SYT1: variants seen among roughly 807,000 people sequenced by gnomAD.
SYT1 encodes the protein synaptotagmin-1.
In SYT1, 8 loss-of-function variants were observed where a neutral mutation model predicts 44.8. That is an observed-to-expected ratio of 0.18 (90% CI 0.10 to 0.32). SYT1 has a LOEUF of 0.32. SYT1 is among the 10% of genes least tolerant of loss of function. The pLI is 1.00. For missense variants in SYT1, 286 were observed against 509.3 expected (o/e 0.56, Z 4.22); for synonymous variants, 154 against 188.8 (o/e 0.82, Z 1.51).
chr12:79,418,506 G>T (rs1868897296), intron 9 of SYT1, among the ~76,000 whole-genome samples: 1 of 152,150 alleles, frequency 6.6e-6, no homozygotes, highest in South Asian at 2.1e-4. Flanking sequence ...CTGTTAGACA[G>T]TAAACCAATT....
intron 2 of SYT1, among the ~76,000 whole-genome samples, chr12:79,001,121 CAGG>C (rs1397726243): frequency 1.3e-5 from 2 of 152,016 alleles, no homozygotes; most frequent in Non-Finnish European, 2.9e-5. Context: ...TAAGGGGCTC[CAGG>C]AGATTTCTAG....
intron 2 of SYT1, among the ~76,000 whole-genome samples, chr12:78,986,934 C>G (rs1157199833): frequency 6.6e-6 from 1 of 151,880 alleles, no homozygotes; most frequent in African/African-American, 2.4e-5. Flanking sequence ...AAGATAGTTA[C>G]GATGCAGAAC....
chr12:79,130,024 C>G (rs1433860195), intron 3 of SYT1, among the ~76,000 whole-genome samples: 1 of 152,104 alleles, frequency 6.6e-6, no homozygotes, highest in Admixed American at 6.5e-5. Flanking sequence ...AGATCTTTAT[C>G]AGAAACCTTT....
At chr12:79,041,173 A>C (rs1336679395) in intron 2 of SYT1, among the ~76,000 whole-genome samples, 2 of 151,104 alleles carry the variant, frequency 1.3e-5, no homozygotes, top group Non-Finnish European at 3.0e-5. Flanking sequence ...AGTCATTGGT[A>C]GCTTGATGGG....
At chr12:79,263,269 GA>G (rs1877934581) in intron 4 of SYT1, among the ~76,000 whole-genome samples, 2 of 126,716 alleles carry the variant, frequency 1.6e-5, no homozygotes, top group South Asian at 6.0e-4. Flanking sequence ...TTCTTCTGGT[GA>G]TTTTTTTTTT....
chr12:79,323,192 A>G (rs1419300790), intron 8 of SYT1, among the ~76,000 whole-genome samples: 2 of 151,808 alleles, frequency 1.3e-5, no homozygotes, highest in Non-Finnish European at 2.9e-5. Flanking sequence ...TACTCTCTAC[A>G]ATTACTTTGA....
chr12:78,963,352 A>G lies in SYT1; in HGVS notation c.-216-14447A>G, dbSNP rs867156776. 5.3e-5 allele frequency among the ~76,000 whole-genome samples: 8 copies of G among 152,292 alleles called. 1 individual carries two copies. Among genetic ancestry groups the G allele is most frequent in the African/African-American group, 1.7e-4 (7 of 41,572 alleles). On this transcript the variant is annotated intron_variant, in intron 1 of 10. Transcript: ENST00000261205. ...ACATTTAGCTAAAAAGTTTCTGCAC[A>G]GTAAAGGAAACGATGGCGTGAAAAG...
chr12:78,972,359 T>C (rs1300440131), intron 1 of SYT1, among the ~76,000 whole-genome samples: 2 of 152,058 alleles, frequency 1.3e-5, no homozygotes, highest in South Asian at 2.1e-4. Context: ...ATATTTTCTT[T>C]GCCAAGGTTC....
In SYT1 at chr12:79,068,072, T is replaced by C. The variant is rs1041581439; in HGVS notation, c.-18+20710T>C. On this transcript the variant is annotated intron_variant, in intron 3 of 10. Coordinates refer to ENST00000261205, the MANE Select transcript of SYT1 (RefSeq NM_005639.3). The stretch of plus-strand genomic sequence containing the variant: ...TGCTTTGGATTACAATCTTATCAAT[T>C]TGGGTTGAAGTTGCAAAAAATTCAG... 3.9e-5 allele frequency among the ~76,000 whole-genome samples: 6 copies of C among 152,296 alleles called. No homozygotes were observed. The East Asian group carries it at 1.2e-3, about 29-fold the overall frequency.
At position 79,165,063 on chromosome 12, in the gene SYT1, T is replaced by G. The variant is rs538552200; in HGVS notation, c.-17-52440T>G. The stretch of plus-strand genomic sequence containing the variant: ...AGGAAAGCAATAATAGGGTTGTTGG[T>G]TTTTTTTCATTATCTTCAAAATTTT... On this transcript the variant is annotated intron_variant, in intron 3 of 10. Transcript: ENST00000261205. 2.5e-4 allele frequency among the ~76,000 whole-genome samples: 38 copies of G among 151,876 alleles called. 1 individual carries two copies. The South Asian group carries it at 6.7e-3, about 27-fold the overall frequency.
At chr12:79,247,053 A>G (rs566996736) in intron 4 of SYT1, among the ~76,000 whole-genome samples, 29 of 152,324 alleles carry the variant, frequency 1.9e-4, no homozygotes, top group African/African-American at 7.0e-4. Context: ...CAAAGGATAA[A>G]GGTTTTTTTA....
intron 3 of SYT1, among the ~76,000 whole-genome samples, chr12:79,191,095 A>C (rs1873092177): frequency 1.3e-5 from 1 of 75,586 alleles, no homozygotes; most frequent in South Asian, 3.0e-4. Context: ...AAAAACATAA[A>C]TATAAATATA....
chr12:78,869,107 A>C (rs117876697), intron 1 of SYT1, among the ~76,000 whole-genome samples: 2,211 of 152,030 alleles, frequency 0.015, 45 homozygotes, highest in East Asian at 0.081. Flanking sequence ...TGTTTTCATT[A>C]AATTCCTCAA....
At chr12:79,388,812 C>T (rs1406323531) in intron 9 of SYT1, among the ~76,000 whole-genome samples, 1 of 152,116 alleles carries the variant, frequency 6.6e-6, no homozygotes, top group Non-Finnish European at 1.5e-5. Context: ...TACTTTAAAC[C>T]CCAACTTCTA....
intron 2 of SYT1, among the ~76,000 whole-genome samples, chr12:78,987,347 G>A (rs1164981155): frequency 1.3e-5 from 2 of 152,082 alleles, no homozygotes; most frequent in Non-Finnish European, 2.9e-5. Flanking sequence ...TAAAGGAGAA[G>A]TACTCTGAGG....
At chr12:79,172,126 T>G (rs1156852672) in intron 3 of SYT1, among the ~76,000 whole-genome samples, 1 of 152,040 alleles carries the variant, frequency 6.6e-6, no homozygotes, top group African/African-American at 2.4e-5. Flanking sequence ...AATAGAGATA[T>G]AAACACATTT....
chr12:78,877,139 G>A (rs1236437191), intron 1 of SYT1, among the ~76,000 whole-genome samples: 3 of 150,314 alleles, frequency 2.0e-5, no homozygotes, highest in Non-Finnish European at 4.4e-5. Context: ...CCCGAGACTG[G>A]GCAACTTATA....
chr12:79,061,168 A>G (rs1320028298), intron 3 of SYT1, among the ~76,000 whole-genome samples: 1 of 152,128 alleles, frequency 6.6e-6, no homozygotes, highest in African/African-American at 2.4e-5. Flanking sequence ...TCAGCGTATT[A>G]TGGAATATTC....
chr12:79,208,060 G>T (rs570119156), intron 3 of SYT1, among the ~76,000 whole-genome samples: 1 of 152,120 alleles, frequency 6.6e-6, no homozygotes, highest in Non-Finnish European at 1.5e-5. Flanking sequence ...ACTTACAGCT[G>T]CATCTCTCTG....
Sources: allele counts gnomAD v4.1 joint callset (sites outside exome capture counted in the v4.1 genomes callset), GRCh38; gene constraint gnomAD v4.1.1; transcripts MANE v1.5; gene names NCBI Gene and HGNC (gene_info 2026-07-23, HGNC 2026-07-21).